BCHE: variants seen among roughly 807,000 people sequenced by gnomAD.
BCHE encodes the protein butyrylcholinesterase.
BCHE carries 48 observed loss-of-function variants against 51.3 expected under a neutral mutation model. The observed-to-expected ratio is 0.94, with a 90% CI of 0.74 to 1.19. BCHE has a LOEUF of 1.19. BCHE is among the 50% of genes most tolerant of loss of function. The pLI is 0.00. For missense variants in BCHE, 847 were observed against 708.2 expected (o/e 1.20, Z -2.23); for synonymous variants, 251 against 238.0 (o/e 1.05, Z -0.50).
intron 2 of BCHE, among the ~76,000 whole-genome samples, chr3:165,827,008 C>G (rs543480598): frequency 6.6e-6 from 1 of 152,036 alleles, no homozygotes; most frequent in African/African-American, 2.4e-5. Context: ...AGAAAGGGGC[C>G]TAGGAGGAAA....
intron 2 of BCHE, among the ~76,000 whole-genome samples, chr3:165,813,026 T>C (rs1043239920): frequency 1.3e-5 from 2 of 149,390 alleles, no homozygotes; most frequent in African/African-American, 4.9e-5. Context: ...ATCATTACTT[T>C]TGGTTTGAAG....
chr3:165,833,471 T>C (rs1017431572), intron 1 of BCHE, among the ~76,000 whole-genome samples: 1 of 152,084 alleles, frequency 6.6e-6, no homozygotes, highest in Non-Finnish European at 1.5e-5. Flanking sequence ...TGTTAGAAAA[T>C]GGTAACTGTA....
intron 3 of BCHE, among the ~76,000 whole-genome samples, chr3:165,781,686 G>A (rs903453509): frequency 2.7e-4 from 41 of 151,962 alleles, no homozygotes; most frequent in African/African-American, 9.2e-4. Flanking sequence ...TCAACAAGCC[G>A]CCATGACACA....
At chr3:165,836,145 C>A (rs939092529) in intron 1 of BCHE, among the ~76,000 whole-genome samples, 22 of 150,896 alleles carry the variant, frequency 1.5e-4, no homozygotes, top group East Asian at 7.8e-4. Flanking sequence ...CAAACAACAA[C>A]AACAAAAAAT....
chr3:165,781,626 A>G (rs1712703429), intron 3 of BCHE, among the ~76,000 whole-genome samples: 1 of 152,084 alleles, frequency 6.6e-6, no homozygotes, highest in African/African-American at 2.4e-5. Flanking sequence ...GCATTAGGAC[A>G]TATAGCTAGT....
In BCHE at chr3:165,773,289, A is replaced by T. The variant is rs949290369; in HGVS notation, c.*93T>A. Reference sequence around the variant, plus strand: ...CTTCTGGCATTTTTGTTTCAGCTACATAATAACTTTTTTAGTAGGTGTGTA... The same window carrying T: ...CTTCTGGCATTTTTGTTTCAGCTACTTAATAACTTTTTTAGTAGGTGTGTA... On this transcript the variant is annotated 3_prime_UTR_variant, in exon 4 of 4. Coordinates refer to ENST00000264381, the MANE Select transcript of BCHE (RefSeq NM_000055.4). The T allele has an allele frequency of 2.3e-5, 29 of 1,244,280 alleles. No individual in the cohort carries two copies. The highest frequency in any genetic ancestry group is 1.3e-4 in the Admixed American group (6 of 47,170). 77.1% of individuals were successfully genotyped at this position (1,244,280 alleles called of 1,614,324 possible).
chr3:165,796,642 A>C (rs997585943), intron 2 of BCHE, among the ~76,000 whole-genome samples: 1 of 152,156 alleles, frequency 6.6e-6, no homozygotes, highest in African/African-American at 2.4e-5. Context: ...CTAACTGGGA[A>C]TCAAGTGCCC....
intron 3 of BCHE, chr3:165,777,816 A>G (rs1428362985): frequency 4.4e-6 from 2 of 451,768 alleles, no homozygotes; most frequent in African/African-American, 4.0e-5. Flanking sequence ...TGAAGATGAC[A>G]AGTATGAAAA....
intron 2 of BCHE, among the ~76,000 whole-genome samples, chr3:165,812,893 G>T (rs1714155601): frequency 6.6e-6 from 1 of 151,876 alleles, no homozygotes; most frequent in African/African-American, 2.4e-5. Context: ...GTTTACACCA[G>T]CATTAGTTCT....
chr3:165,786,120 A>G, intron 3 of BCHE, 25 bp downstream of exon 3: 1 of 1,603,874 alleles, frequency 6.2e-7, no homozygotes, highest in Non-Finnish European at 8.5e-7. Flanking sequence ...TCTATTAAAT[A>G]ACCAAACACT....
chr3:165,789,214 C>A (rs188910195), intron 2 of BCHE, among the ~76,000 whole-genome samples: 264 of 151,766 alleles, frequency 1.7e-3, no homozygotes, highest in African/African-American at 6.2e-3. Context: ...TGTGGTATAC[C>A]AAAATGCTCT....
chr3:165,774,785 A>C (rs1444472368), intron 3 of BCHE, among the ~76,000 whole-genome samples: 1 of 152,192 alleles, frequency 6.6e-6, no homozygotes, highest in Admixed American at 6.6e-5. Flanking sequence ...TGTTAGGAGA[A>C]AGGGGTGTGT....
chr3:165,830,247 A>T lies in BCHE; in HGVS notation c.787T>A (p.Ser263Thr), dbSNP rs747249411. The change falls in exon 2 of 4, where the codon TCT becomes ACT. Residue 263 changes from serine to threonine, a missense_variant. Coordinates refer to ENST00000264381, the MANE Select transcript of BCHE (RefSeq NM_000055.4). ...GTTCTGTTCCTAGCTTCATAAAGAGATGTTACCGCCCAAGGAGCATTAAAG... is the reference window on the plus strand; with the variant it reads ...GTTCTGTTCCTAGCTTCATAAAGAGTTGTTACCGCCCAAGGAGCATTAAAG... ...GSFNAPWAVT[S>T]LYEARNRTLN... The T allele has an allele frequency of 6.2e-6, 10 of 1,614,006 alleles. No individual in the cohort carries two copies. Among genetic ancestry groups the T allele is most frequent in the Admixed American group, 3.3e-5 (2 of 59,970 alleles).
At chr3:165,811,478 T>C (rs1293623020) in intron 2 of BCHE, among the ~76,000 whole-genome samples, 1 of 151,914 alleles carries the variant, frequency 6.6e-6, no homozygotes, top group Non-Finnish European at 1.5e-5. Context: ...GAAAAAATAA[T>C]AAAATTATTT....
chr3:165,826,028 G>C (rs1269876035), intron 2 of BCHE, among the ~76,000 whole-genome samples: 1 of 151,980 alleles, frequency 6.6e-6, no homozygotes, highest in African/African-American at 2.4e-5. Context: ...AACAAGTGGG[G>C]CTCTGGTACA....
chr3:165,776,829 A>G (rs1712490623), intron 3 of BCHE, among the ~76,000 whole-genome samples: 1 of 151,804 alleles, frequency 6.6e-6, no homozygotes, highest in Non-Finnish European at 1.5e-5. Context: ...AGTCCTCTTT[A>G]TTCATACTAC....
At position 165,802,832 on chromosome 3, in the gene BCHE, C is replaced by T. The variant is rs564462422; in HGVS notation, c.1518-16521G>A. ...TCTCGGCTCACTGCAAGCTCCGCCT[C>T]CCGGGTTCACGCCATTCTCCTGTCT... is the stretch of plus-strand genomic sequence containing the variant. On this transcript the variant is annotated intron_variant, in intron 2 of 3. Transcript: ENST00000264381. 4.5e-3 allele frequency among the ~76,000 whole-genome samples: 680 copies of T among 152,178 alleles called. 2 individuals are homozygous for T. The highest frequency in any genetic ancestry group is 7.1e-3 in the Non-Finnish European group (485 of 68,028).
At position 165,829,962 on chromosome 3, in the gene BCHE, A is replaced by G; in HGVS notation, c.1072T>C (p.Leu358=). The G allele has an allele frequency of 6.2e-7, 1 of 1,613,798 alleles. No homozygotes were observed. Among genetic ancestry groups the G allele is most frequent in the Non-Finnish European group, 8.5e-7 (1 of 1,179,894 alleles). ...CTGAAGCCAGGAGCACCATAGACTA[A>G]AAAAGCTGTCCCTTCATCTTTATTA... ...GVNKDEGTAF[L]VYGAPGFSKD... The change falls in exon 2 of 4, where the codon TTA becomes CTA. Residue 358 remains leucine (L), a synonymous_variant. Transcript: ENST00000264381.
intron 2 of BCHE, among the ~76,000 whole-genome samples, chr3:165,789,250 C>T (rs1387418852): frequency 6.6e-6 from 1 of 151,688 alleles, no homozygotes; most frequent in East Asian, 1.9e-4. Context: ...GAATTTTCTT[C>T]ATATGTAGGT....
Sources: allele counts gnomAD v4.1 joint callset (sites outside exome capture counted in the v4.1 genomes callset), GRCh38; gene constraint gnomAD v4.1.1; transcripts MANE v1.5; gene names NCBI Gene and HGNC (gene_info 2026-07-23, HGNC 2026-07-21).